ELP4: variants seen among roughly 807,000 people sequenced by gnomAD.
ELP4 encodes elongator acetyltransferase complex subunit 4, also known as elongator complex protein 4.
A neutral mutation model predicts 48.9 loss-of-function variants in ELP4; 51 were observed. The ratio of observed to expected loss-of-function variants is 1.04; its 90% CI spans 0.83 to 1.32. ELP4 has a LOEUF of 1.32. ELP4 is among the 40% of genes most tolerant of loss of function. The pLI is 0.00. For synonymous variants in ELP4, 210 were observed against 189.2 expected (o/e 1.11, Z -0.90); for missense variants, 519 against 514.6 (o/e 1.01, Z -0.08).
intron 7 of ELP4, chr11:31,646,650 A>C (rs1050296391): frequency 6.6e-6 from 1 of 151,766 alleles, no homozygotes; most frequent in Non-Finnish European, 1.5e-5. Flanking sequence ...TGACTGTTTT[A>C]TATTTCCCAT....
intron 9 of ELP4, among the ~76,000 whole-genome samples, chr11:31,743,752 G>A (rs867053317): frequency 5.3e-5 from 8 of 151,952 alleles, no homozygotes; most frequent in Middle Eastern, 3.4e-3. Context: ...AAAGCAGTGT[G>A]TAGAGGGAAA....
At chr11:31,654,918 G>C (rs937773261) in intron 9 of ELP4, 19 of 151,880 alleles carry the variant, frequency 1.3e-4, no homozygotes, top group African/African-American at 3.4e-4. Context: ...GCCTTCTTAA[G>C]TTGTAGCATC....
At chr11:31,774,464 TAGTC>T (rs1352576552) in intron 9 of ELP4, among the ~76,000 whole-genome samples, 2 of 152,342 alleles carry the variant, frequency 1.3e-5, no homozygotes, top group Middle Eastern at 3.4e-3. Context: ...GCCAAATTGT[TAGTC>T]AGTTTAGCTT....
chr11:31,529,441 C>A (rs1046175812), intron 2 of ELP4, among the ~76,000 whole-genome samples: 1 of 152,088 alleles, frequency 6.6e-6, no homozygotes, highest in Non-Finnish European at 1.5e-5. Context: ...AGGAGTACAA[C>A]ATTTATGGTA....
chr11:31,593,660 A>G (rs1013974463), intron 3 of ELP4, among the ~76,000 whole-genome samples: 5 of 152,184 alleles, frequency 3.3e-5, no homozygotes, highest in Non-Finnish European at 7.3e-5. Flanking sequence ...TGGACATTCT[A>G]GTTGCCGAAT....
chr11:31,731,980 C>G (rs1947199935), intron 9 of ELP4, among the ~76,000 whole-genome samples: 1 of 151,868 alleles, frequency 6.6e-6, no homozygotes, highest in Non-Finnish European at 1.5e-5. Flanking sequence ...AAAAATGGAG[C>G]AATAAAGACT....
rs1365742159 is a variant in ELP4, at chr11:31,650,362, GTTC to G, written c.1143+146_1143+148del. 3.1e-4 allele frequency: 134 copies of G among 432,116 alleles called. No homozygotes were observed. The East Asian group carries it at 4.1e-3, about 13-fold the overall frequency. The allele number at this position is 432,116 out of a possible 1,614,324, so 26.8% of individuals were successfully genotyped here. A position where few individuals can be genotyped will look rare whatever the true frequency, so the allele number is the denominator to read the frequency against. ...CATGTTTTATGCTAAGTATTTTTAA[GTTC>G]TTCTAATATAACAATAATTTTTTAG... On this transcript the variant is annotated intron_variant, in intron 9 of 9. Coordinates refer to ENST00000640961, the MANE Select transcript of ELP4 (RefSeq NM_019040.5).
At chr11:31,663,697 T>G (rs551151745) in intron 9 of ELP4, 1 of 152,132 alleles carries the variant, frequency 6.6e-6, no homozygotes, top group East Asian at 1.9e-4. Flanking sequence ...ATTTTTTTAA[T>G]GTAGGAATTT....
intron 9 of ELP4, among the ~76,000 whole-genome samples, chr11:31,687,970 G>A (rs200614401): frequency 6.3e-4 from 96 of 152,276 alleles, no homozygotes; most frequent in Non-Finnish European, 7.9e-4. Context: ...GTAAAATCAC[G>A]ATTGAATAAA....
chr11:31,514,937 G>A (rs917208525), intron 1 of ELP4, among the ~76,000 whole-genome samples: 4 of 150,930 alleles, frequency 2.7e-5, no homozygotes, highest in Admixed American at 6.6e-5. Flanking sequence ...TTGTGGAAAT[G>A]TTTTGAGATC....
intron 2 of ELP4, among the ~76,000 whole-genome samples, chr11:31,539,072 T>C (rs1956551135): frequency 6.6e-6 from 1 of 152,208 alleles, no homozygotes; most frequent in Non-Finnish European, 1.5e-5. Flanking sequence ...AAGTTCCCTA[T>C]ACCTGAAGTG....
At chr11:31,750,981 T>A (rs1380041432) in intron 9 of ELP4, among the ~76,000 whole-genome samples, 2 of 152,220 alleles carry the variant, frequency 1.3e-5, no homozygotes, top group Non-Finnish European at 2.9e-5. Context: ...CAGGCTCCAG[T>A]ATTTAACACC....
intron 5 of ELP4, among the ~76,000 whole-genome samples, chr11:31,605,883 G>T (rs1957865896): frequency 6.6e-6 from 1 of 151,942 alleles, no homozygotes; most frequent in Non-Finnish European, 1.5e-5. Context: ...TACTGTTGCA[G>T]GCTGTCAGTG....
chr11:31,782,745 T>C (rs1948405750), intron 9 of ELP4, among the ~76,000 whole-genome samples: 1 of 152,132 alleles, frequency 6.6e-6, no homozygotes, highest in Admixed American at 6.6e-5. Flanking sequence ...CCCAACATTA[T>C]GCATAGAAAC....
intron 3 of ELP4, among the ~76,000 whole-genome samples, chr11:31,584,027 T>G (rs914746826): frequency 6.6e-6 from 1 of 152,184 alleles, no homozygotes; most frequent in Non-Finnish European, 1.5e-5. Flanking sequence ...AATGCTGATA[T>G]GTTTTTATAA....
chr11:31,544,680 G>T (rs1006809323), intron 3 of ELP4, among the ~76,000 whole-genome samples: 6 of 152,214 alleles, frequency 3.9e-5, no homozygotes, highest in Non-Finnish European at 7.3e-5. Flanking sequence ...GGAGATCTGA[G>T]GATGGGCAGA....
At chr11:31,653,650 T>A (rs186348355) in intron 9 of ELP4, 1 of 151,840 alleles carries the variant, frequency 6.6e-6, no homozygotes, top group Admixed American at 6.6e-5. Context: ...AAGTCTTTGC[T>A]GAAATGTATG....
intron 9 of ELP4, among the ~76,000 whole-genome samples, chr11:31,734,112 A>G (rs1368113972): frequency 6.6e-6 from 1 of 152,260 alleles, no homozygotes; most frequent in East Asian, 1.9e-4. Flanking sequence ...TGAGGGATGA[A>G]AAAGCACATG....
At chr11:31,524,113 C>T (rs1027119641) in intron 2 of ELP4, among the ~76,000 whole-genome samples, 1 of 151,886 alleles carries the variant, frequency 6.6e-6, no homozygotes, top group African/African-American at 2.4e-5. Flanking sequence ...ATAATTAAAC[C>T]TATTATCAGT....
Sources: gnomAD v4.1 joint callset for allele counts (sites outside exome capture counted in the v4.1 genomes callset) on GRCh38, gnomAD v4.1.1 for gene constraint, MANE v1.5 for transcripts, NCBI Gene and HGNC (gene_info 2026-07-23, HGNC 2026-07-21) for gene names.